NONO: variants seen among roughly 807,000 people sequenced by gnomAD.
NONO encodes the protein non-POU domain-containing octamer-binding protein.
A neutral mutation model predicts 40.2 loss-of-function variants in NONO; 6 were observed. That is an observed-to-expected ratio of 0.15 (90% CI 0.08 to 0.29). The LOEUF is 0.29. Among genes scored for constraint, NONO ranks in the 10% least tolerant of loss-of-function variants. NONO has a pLI of 1.00. For missense variants in NONO, 133 were observed against 397.8 expected, an observed-to-expected ratio of 0.33 and a Z score of 5.66; for synonymous variants, 89 against 123.3, an observed-to-expected ratio of 0.72 and a Z score of 1.85.
At chrX:71,295,032 A>G (rs1282445836) in intron 5 of NONO, among the ~76,000 whole-genome samples, 2 of 111,711 alleles carry the variant, frequency 1.8e-5, no homozygotes, top group African/African-American at 6.5e-5. Context: ...CCTGGCCAAC[A>G]TGCTGAAAGC....
intron 2 of NONO, among the ~76,000 whole-genome samples, chrX:71,286,671 G>A (rs2031196341): frequency 8.9e-6 from 1 of 111,847 alleles, no homozygotes; most frequent in Admixed American, 9.6e-5. Context: ...TTTTAAGGCT[G>A]TGAACATTCT....
chrX:71,292,201 CTT>C (rs113180523), intron 4 of NONO: 421 of 207,316 alleles, frequency 2.0e-3, no homozygotes, highest in Middle Eastern at 3.1e-3. Context: ...CCCTTTGGAA[CTT>C]TTTTTTTTTT....
At chrX:71,297,509 TCTCA>T (rs1170985200) in intron 8 of NONO, 48 bp downstream of exon 8, 47 of 904,354 alleles carry the variant, frequency 5.2e-5, no homozygotes, top group Non-Finnish European at 7.0e-5. Flanking sequence ...AAAGGTAATG[TCTCA>T]CTCCTCTTTC....
chrX:71,298,447 T>G (rs763617037), intron 9 of NONO, 22 bp from the exon 10 acceptor site: 1 of 1,200,599 alleles, frequency 8.3e-7, no homozygotes, highest in Non-Finnish European at 1.1e-6. Context: ...TTGGACTGTC[T>G]TGAGTATTTT....
intron 1 of NONO, 23 bp downstream of exon 1, chrX:71,283,744 T>G (rs997757043): frequency 8.1e-5 from 9 of 110,857 alleles, no homozygotes; most frequent in African/African-American, 3.0e-4. Flanking sequence ...ACGTCTTGGT[T>G]CTTGTTTGGG....
chrX:71,299,817 C>G, intron 11 of NONO, 125 bp from the exon 12 acceptor site: 1 of 874,732 alleles, frequency 1.1e-6, no homozygotes. Context: ...TAGTCACCCA[C>G]TCCTACCTAC....
In NONO at chrX:71,298,798, G is replaced by T. The variant is rs141184952; in HGVS notation, c.1263G>T (p.Pro421=). The T allele has an allele frequency of 2.5e-5, 30 of 1,203,955 alleles. No individual in the cohort carries two copies. The highest frequency in any genetic ancestry group is 3.1e-5 in the Non-Finnish European group (28 of 889,875). The change falls in exon 11 of 12, where the codon CCG becomes CCT. Residue 421 remains proline, a synonymous_variant. Coordinates refer to ENST00000276079, the MANE Select transcript of NONO (RefSeq NM_007363.5). ...CTCCAGGACCTGCCACTATGATGCC[G>T]GATGGAACTTTGGGATTGGTAATAA... ...PAPPGPATMM[P]DGTLGLTPPT... is the part of the protein sequence containing the mutation.
chrX:71,290,218 T>C (rs911599497), intron 2 of NONO, among the ~76,000 whole-genome samples: 2 of 110,635 alleles, frequency 1.8e-5, no homozygotes, highest in Non-Finnish European at 3.8e-5. Flanking sequence ...AGCTAATTTT[T>C]GTATTTTTTT....
At chrX:71,293,851 C>T (rs893329944) in intron 4 of NONO, among the ~76,000 whole-genome samples, 4 of 111,012 alleles carry the variant, frequency 3.6e-5, no homozygotes, top group Admixed American at 9.6e-5. Flanking sequence ...AGGATGATCT[C>T]GATCTCCTGA....
In NONO at chrX:71,297,821, G is replaced by A. The variant is rs12007473; in HGVS notation, c.1029-15G>A. On this transcript the variant is annotated splice_polypyrimidine_tract_variant and intron_variant, in intron 8 of 11. Transcript: ENST00000276079. ...GAAATGCCTCTGTCTTAAATACATT[G>A]GTGACTCTCTGTAGGCAGGAGGAAG... The A allele has an allele frequency of 1.6e-3, 1,925 of 1,177,105 alleles. 23 individuals carry two copies. The African/African-American group carries it at 0.03, about 18-fold the overall frequency.
At chrX:71,288,183 A>G (rs1490945306) in intron 2 of NONO, among the ~76,000 whole-genome samples, 11 of 93,019 alleles carry the variant, frequency 1.2e-4, no homozygotes, top group Non-Finnish European at 2.3e-4. Flanking sequence ...CTGGAATACA[A>G]TGGCGTGATC....
intron 5 of NONO, among the ~76,000 whole-genome samples, chrX:71,296,114 A>G (rs149514654): frequency 2.1e-3 from 226 of 108,513 alleles, no homozygotes; most frequent in African/African-American, 7.1e-3. Flanking sequence ...TCGTCCTGTC[A>G]ACCCCAGATT....
intron 5 of NONO, among the ~76,000 whole-genome samples, chrX:71,295,952 C>T (rs2031438450): frequency 9.0e-6 from 1 of 110,910 alleles, no homozygotes; most frequent in African/African-American, 3.3e-5. Context: ...ATTTAGAGTT[C>T]TGAAAAGTTG....
At chrX:71,295,108 G>A (rs1393261406) in intron 5 of NONO, among the ~76,000 whole-genome samples, 1 of 108,913 alleles carries the variant, frequency 9.2e-6, no homozygotes, top group Non-Finnish European at 1.9e-5. Context: ...TGTAGTCCCA[G>A]CAACTTGGGA....
At position 71,295,269 on chromosome X, in the gene NONO, C is replaced by A. The variant is rs112111369; in HGVS notation, c.650+741C>A. Among the ~76,000 whole-genome samples, 1,004 of 106,524 alleles carry A rather than the reference C, an allele frequency of 9.4e-3. 16 individuals are homozygous for A. The highest frequency in any genetic ancestry group is 0.032 in the African/African-American group (931 of 29,069). 92.5% of individuals were successfully genotyped at this position (106,524 alleles called of 115,157 possible). A position where few individuals can be genotyped will look rare whatever the true frequency, so the allele number is the denominator to read the frequency against. Reference sequence around the variant, plus strand: ...TTTTGGCCCAGGCGGGACAGATCACCAGGTCAGGAGATCGAGACCATCCTG... The same window carrying A: ...TTTTGGCCCAGGCGGGACAGATCACAAGGTCAGGAGATCGAGACCATCCTG... On this transcript the variant is annotated intron_variant, in intron 5 of 11. Coordinates refer to ENST00000276079, the MANE Select transcript of NONO (RefSeq NM_007363.5).
At chrX:71,289,754 G>T (rs1196478107) in intron 2 of NONO, among the ~76,000 whole-genome samples, 5 of 109,954 alleles carry the variant, frequency 4.5e-5, no homozygotes, top group Non-Finnish European at 5.7e-5. Context: ...GCACCACTAT[G>T]CCTGGGTAGT....
chrX:71,300,250 C>A lies in NONO; in HGVS notation c.*174C>A, dbSNP rs1469800979. The A allele has an allele frequency of 1.2e-5, 6 of 498,572 alleles. No individual in the cohort carries two copies. The highest frequency in any genetic ancestry group is 2.0e-5 in the Non-Finnish European group (6 of 295,070). 41.1% of individuals were successfully genotyped at this position (498,572 alleles called of 1,213,427 possible). On this transcript the variant is annotated 3_prime_UTR_variant, in exon 12 of 12. Transcript: ENST00000276079. ...AGGGCAAGGGAGGGGTGGTATTAAA[C>A]AAGTCAATTCTGTGTGGTATATTGT...
intron 11 of NONO, 76 bp downstream of exon 11, chrX:71,298,892 T>C: frequency 1.3e-6 from 1 of 786,124 alleles, no homozygotes; most frequent in Non-Finnish European, 1.9e-6. Flanking sequence ...TCACAGCCCC[T>C]GGGGGCCTAC....
At chrX:71,294,975 T>G (rs2148036396) in intron 5 of NONO, among the ~76,000 whole-genome samples, 1 of 111,346 alleles carries the variant, frequency 9.0e-6, no homozygotes, top group Admixed American at 9.5e-5. Context: ...CCCAGCAATT[T>G]GGGAGGCCGA....
Sources: gnomAD v4.1 joint callset for allele counts (sites outside exome capture counted in the v4.1 genomes callset) on GRCh38, gnomAD v4.1.1 for gene constraint, MANE v1.5 for transcripts, NCBI Gene and HGNC (gene_info 2026-07-23, HGNC 2026-07-21) for gene names.